Variants in PEX5L observed in about 807,000 individuals in gnomAD.
The protein encoded by PEX5L is PEX5-related protein.
Under a neutral mutation model 84.0 loss-of-function variants are expected in PEX5L, and 30 were observed. The ratio of observed to expected loss-of-function variants is 0.36; its 90% CI spans 0.27 to 0.48. PEX5L has a LOEUF of 0.48. PEX5L is among the 20% of genes least tolerant of loss of function. PEX5L has a pLI of 0.99. For synonymous variants in PEX5L, 270 were observed against 283.1 expected (o/e 0.95, Z 0.46); for missense variants, 533 against 754.6 (o/e 0.71, Z 3.44).
intron 4 of PEX5L, among the ~76,000 whole-genome samples, chr3:179,885,901 C>G (rs755501631): frequency 3.3e-5 from 5 of 152,184 alleles, no homozygotes; most frequent in Non-Finnish European, 5.9e-5. Flanking sequence ...ATTGTTGAAT[C>G]AACTCAGTGG....
At position 179,996,104 on chromosome 3, in the gene PEX5L, A is replaced by C. The variant is rs60219548; in HGVS notation, c.22-24439T>G. ...GCCTCCCTTGAGGTAGTTGCCAAGC[A>C]AGATAATGTTGATTCTCATCAGGAG... On this transcript the variant is annotated intron_variant, in intron 1 of 14. Transcript: ENST00000467460. Among the ~76,000 whole-genome samples, 888 of 152,276 alleles carry C rather than the reference A, an allele frequency of 5.8e-3. 9 individuals are homozygous for C. Among genetic ancestry groups the C allele is most frequent in the African/African-American group, 0.02 (850 of 41,562 alleles).
chr3:179,870,523 A>G (rs1318973151), intron 7 of PEX5L, among the ~76,000 whole-genome samples: 2 of 152,150 alleles, frequency 1.3e-5, no homozygotes, highest in South Asian at 2.1e-4. Flanking sequence ...CTCTGTTGCA[A>G]CTTGGTGTCT....
At chr3:179,898,943 G>A (rs374430875) in intron 2 of PEX5L, among the ~76,000 whole-genome samples, 8 of 151,946 alleles carry the variant, frequency 5.3e-5, no homozygotes, top group East Asian at 1.9e-4. Flanking sequence ...TAATTAATAC[G>A]TAAAGGATAA....
At chr3:179,840,570 A>C (rs539620478) in intron 8 of PEX5L, among the ~76,000 whole-genome samples, 1 of 152,096 alleles carries the variant, frequency 6.6e-6, no homozygotes, top group African/African-American at 2.4e-5. Flanking sequence ...GTGAGAGGGG[A>C]CTCTAAGGGA....
chr3:179,838,296 T>G lies in PEX5L; in HGVS notation c.823-18320A>C, dbSNP rs183788280. On this transcript the variant is annotated intron_variant, in intron 8 of 14. Coordinates refer to ENST00000467460, the MANE Select transcript of PEX5L (RefSeq NM_016559.3). ...AATCAGAGATATCATGTGATTCAGA[T>G]TTCAGAAAAATTAAAGTTTCCTTAA... 8.1e-4 allele frequency among the ~76,000 whole-genome samples: 123 copies of G among 152,288 alleles called. 2 individuals carry two copies. Among genetic ancestry groups the G allele is most frequent in the Non-Finnish European group, 1.2e-3 (81 of 68,002 alleles).
chr3:179,941,935 C>T (rs1295862904), intron 2 of PEX5L, among the ~76,000 whole-genome samples: 2 of 143,452 alleles, frequency 1.4e-5, no homozygotes, highest in South Asian at 4.5e-4. Flanking sequence ...GCAGGAGAAT[C>T]GCTTGAACCC....
At chr3:179,887,054 C>T (rs1431149434) in intron 4 of PEX5L, among the ~76,000 whole-genome samples, 1 of 152,202 alleles carries the variant, frequency 6.6e-6, no homozygotes, top group Non-Finnish European at 1.5e-5. Context: ...ATCCTGTACT[C>T]ACTCATTGGA....
intron 1 of PEX5L, among the ~76,000 whole-genome samples, chr3:180,036,161 G>A (rs981710951): frequency 3.9e-5 from 6 of 152,196 alleles, no homozygotes; most frequent in African/African-American, 1.4e-4. Context: ...GTGACAGAGT[G>A]TTCTAAGTCA....
intron 8 of PEX5L, among the ~76,000 whole-genome samples, chr3:179,820,799 G>A (rs534971161): frequency 6.6e-6 from 1 of 152,312 alleles, no homozygotes; most frequent in African/African-American, 2.4e-5. Flanking sequence ...CCTGAAGAGA[G>A]TTCTTTGGGT....
At chr3:179,995,615 A>G (rs1787816312) in intron 1 of PEX5L, among the ~76,000 whole-genome samples, 1 of 152,162 alleles carries the variant, frequency 6.6e-6, no homozygotes. Context: ...GTTGCTCCTT[A>G]GTTCAGTAGA....
chr3:179,961,395 T>G lies in PEX5L; in HGVS notation c.93+10199A>C, dbSNP rs1332645836. ...AAAAAACAGGTTTGCAAGAACTGCA[T>G]TTCTGTCAAACCTTATATATGCAGT... is the stretch of plus-strand genomic sequence containing the variant. On this transcript the variant is annotated intron_variant, in intron 2 of 14. Transcript: ENST00000467460. Among the ~76,000 whole-genome samples, 13 of 151,884 alleles carry G rather than the reference T, an allele frequency of 8.6e-5. No individual in the cohort carries two copies. In the East Asian group the frequency reaches 2.5e-3, roughly 29 times the overall value.
At chr3:180,025,216 G>A (rs926671788) in intron 1 of PEX5L, among the ~76,000 whole-genome samples, 4 of 152,150 alleles carry the variant, frequency 2.6e-5, no homozygotes. Flanking sequence ...ACCAGATCCT[G>A]AGGCTGTGTG....
chr3:179,947,618 C>T (rs1369039272), intron 2 of PEX5L, among the ~76,000 whole-genome samples: 1 of 151,754 alleles, frequency 6.6e-6, no homozygotes, highest in Non-Finnish European at 1.5e-5. Flanking sequence ...AAAGATAGTA[C>T]TGACGCAAAG....
rs557319557 is a variant in PEX5L, at chr3:179,990,852, T to C, written c.22-19187A>G. Among the ~76,000 whole-genome samples the C allele has an allele frequency of 2.0e-5, 3 of 152,364 alleles. No homozygotes were observed. The South Asian group carries it at 6.2e-4, about 32-fold the overall frequency. On this transcript the variant is annotated intron_variant, in intron 1 of 14. Coordinates refer to ENST00000467460, the MANE Select transcript of PEX5L (RefSeq NM_016559.3). ...AAGTACTCTTATTATTCTTATTTTA[T>C]TGATGAGGCAACTGAAATGTAAATG...
chr3:179,948,648 T>C (rs1349248061), intron 2 of PEX5L, among the ~76,000 whole-genome samples: 1 of 152,152 alleles, frequency 6.6e-6, no homozygotes, highest in Non-Finnish European at 1.5e-5. Context: ...ATGCTATCAC[T>C]TTCAAAACTG....
At chr3:179,815,419 T>C (rs1180227551) in intron 10 of PEX5L, among the ~76,000 whole-genome samples, 1 of 152,224 alleles carries the variant, frequency 6.6e-6, no homozygotes, top group Non-Finnish European at 1.5e-5. Flanking sequence ...ACTCTGTCTC[T>C]ACTAGAAATA....
At chr3:179,857,180 C>T (rs943276231) in intron 8 of PEX5L, among the ~76,000 whole-genome samples, 1 of 152,114 alleles carries the variant, frequency 6.6e-6, no homozygotes, top group African/African-American at 2.4e-5. Context: ...AGTTATATAA[C>T]TTTAGTGACA....
At chr3:179,851,558 C>G (rs528389972) in intron 8 of PEX5L, among the ~76,000 whole-genome samples, 41 of 152,316 alleles carry the variant, frequency 2.7e-4, no homozygotes, top group African/African-American at 9.4e-4. Flanking sequence ...AACTTTTTCA[C>G]TGCCCATGTT....
chr3:179,838,924 G>A (rs1175834707), intron 8 of PEX5L, among the ~76,000 whole-genome samples: 2 of 151,886 alleles, frequency 1.3e-5, no homozygotes, highest in African/African-American at 4.8e-5. Flanking sequence ...CTTTTAAGGA[G>A]AAAAAGTTTC....
Sources: gnomAD v4.1 joint callset for allele counts (sites outside exome capture counted in the v4.1 genomes callset) on GRCh38, gnomAD v4.1.1 for gene constraint, MANE v1.5 for transcripts, NCBI Gene and HGNC (gene_info 2026-07-23, HGNC 2026-07-21) for gene names.